The following GDF5 variants were observed in gnomAD, a reference collection of about 807,000 sequenced individuals.
GDF5 encodes the protein growth/differentiation factor 5.
In GDF5, 17 loss-of-function variants were observed where a neutral mutation model predicts 34.6. The ratio of observed to expected loss-of-function variants is 0.49; its 90% CI spans 0.34 to 0.74. GDF5 has a LOEUF of 0.74. Ranked by LOEUF, GDF5 falls within the 30% of genes least tolerant of loss-of-function variation. The probability of loss-of-function intolerance (pLI) is 0.01; values close to 1 mark genes in which losing one functional copy is unlikely to be tolerated. For missense variants in GDF5, 616 were observed against 661.2 expected (o/e 0.93, Z 0.75); for synonymous variants, 332 against 290.7 (o/e 1.14, Z -1.44).
chr20:35,447,224 C>T (rs2146589935), intron 1 of GDF5, among the ~76,000 whole-genome samples: 2 of 152,136 alleles, frequency 1.3e-5, no homozygotes, highest in East Asian at 3.9e-4. Context: ...TCACAACAGG[C>T]CCCGGTGTGT....
intron 1 of GDF5, among the ~76,000 whole-genome samples, chr20:35,444,967 C>T (rs543133898): frequency 6.6e-6 from 1 of 152,134 alleles, no homozygotes; most frequent in East Asian, 1.9e-4. Flanking sequence ...CTCCTGACTT[C>T]AGGTGATCCA....
At chr20:35,453,198 C>T (rs539321146) in intron 1 of GDF5, among the ~76,000 whole-genome samples, 88 of 152,174 alleles carry the variant, frequency 5.8e-4, no homozygotes, top group Non-Finnish European at 1.1e-3. Flanking sequence ...TGCAGTGAGC[C>T]GAGATTGCGC....
At position 35,433,903 on chromosome 20, in the gene GDF5, G is replaced by C. The variant is rs202038821; in HGVS notation, c.*6C>G. The C allele has an allele frequency of 1.9e-6, 3 of 1,611,724 alleles. No individual in the cohort carries two copies. In the East Asian group the frequency reaches 6.7e-5, roughly 36 times the overall value. ...TGCCACCCAGGAAGACAGAGGGCCA[G>C]TGCTGCTACCTGCAGCCACACGACT... On this transcript the variant is annotated 3_prime_UTR_variant, in exon 2 of 2. Transcript: ENST00000374369.
At chr20:35,438,363 C>CACACAG, upstream of GDF5, 1 of 172,820 alleles carries the variant, frequency 5.8e-6, no homozygotes, top group East Asian at 1.5e-4. Context: ...ATACTTCACA[C>CACACAG]ACACACACAC....
intron 1 of GDF5, among the ~76,000 whole-genome samples, chr20:35,451,092 T>TATATATATAC (rs1555824851): frequency 1.9e-4 from 26 of 133,574 alleles, no homozygotes; most frequent in Admixed American, 5.3e-4. Flanking sequence ...TATATATATA[T>TATATATATAC]ACACAAATAT....
Position 35,437,508 on chromosome 20 carries a change from G to C in GDF5, c.421C>G (p.Pro141Ala). 5.0e-6 allele frequency: 8 copies of C among 1,614,090 alleles called. No individual in the cohort carries two copies. Among genetic ancestry groups the C allele is most frequent in the Non-Finnish European group, 6.8e-6 (8 of 1,179,970 alleles). The change falls in exon 1 of 2, where the codon CCC becomes GCC. Residue 141 changes from proline (P) to alanine (A), a missense_variant. Physicochemically the swap from Pro to Ala is conservative, Grantham distance 27. Transcript: ENST00000374369. ...GCCTTCTTCAGCAGGAAGGAGCTGG[G>C]GACAGATCCTGCTTTTGGGGGTGCC... Reference protein sequence around the residue: ...GKAPPKAGSVPSSFLLKKARE... With the variant: ...GKAPPKAGSVASSFLLKKARE...
intron 1 of GDF5, among the ~76,000 whole-genome samples, chr20:35,445,848 T>C (rs1455946933): frequency 6.7e-6 from 1 of 148,244 alleles, no homozygotes. Context: ...TGCATGCCTG[T>C]AATCCCACTA....
intron 1 of GDF5, among the ~76,000 whole-genome samples, chr20:35,451,077 A>ATATATATATATATT (rs2062531436): frequency 2.1e-5 from 1 of 46,736 alleles, no homozygotes; most frequent in Non-Finnish European, 3.5e-5. Flanking sequence ...ATATATATAT[A>ATATATATATATATT]TATATATATA....
intron 1 of GDF5, among the ~76,000 whole-genome samples, chr20:35,452,329 A>G (rs892961993): frequency 2.0e-5 from 3 of 152,264 alleles, no homozygotes; most frequent in Non-Finnish European, 4.4e-5. Flanking sequence ...TCCACTGGGT[A>G]AATGAATAAA....
Position 35,433,749 on chromosome 20 carries a change from G to A in GDF5, c.*160C>T, listed in dbSNP as rs1336407728. 9.4e-6 allele frequency: 7 copies of A among 743,672 alleles called. No individual in the cohort carries two copies. The highest frequency in any genetic ancestry group is 1.7e-5 in the African/African-American group (1 of 58,508). The allele number at this position is 743,672 out of a possible 1,614,324, so 46.1% of individuals were successfully genotyped here. ...ACTTGTGGATAAAAGGGGGCCTTTA[G>A]CCCAAGTCACACTCAGAGAGCGAGC... On this transcript the variant is annotated 3_prime_UTR_variant, in exon 2 of 2. Coordinates refer to ENST00000374369, the MANE Select transcript of GDF5 (RefSeq NM_000557.5).
intron 1 of GDF5, among the ~76,000 whole-genome samples, chr20:35,436,306 C>T (rs957869925): frequency 1.3e-5 from 2 of 151,786 alleles, no homozygotes; most frequent in African/African-American, 2.4e-5. Context: ...CTCAGCCAGA[C>T]CTGCTGCCTC....
upstream of GDF5, among the ~76,000 whole-genome samples, chr20:35,441,810 A>C (rs575576126): frequency 1.9e-4 from 29 of 151,982 alleles, no homozygotes; most frequent in African/African-American, 6.8e-4. Flanking sequence ...TGGGTTTTGT[A>C]CTCCATTGCA....
Position 35,437,730 on chromosome 20 carries a change from C to T in GDF5, c.199G>A (p.Gly67Arg), listed in dbSNP as rs753597147. Residue 67 changes from glycine to arginine, a missense_variant, in exon 1 of 2, where the codon GGG (glycine) becomes AGG (arginine). By Grantham distance (125) the Gly-to-Arg change is moderately radical. Transcript: ENST00000374369. ...VFRPGGHSYG[G>R]GATNANARAK... is the part of the protein sequence containing the mutation. ...CTGGCATTGGCATTGGTGGCCCCCC[C>T]ACCATAGCTGTGACCCCCTGGCCTG... The T allele has an allele frequency of 9.9e-6, 16 of 1,613,508 alleles. No individual in the cohort carries two copies. In the East Asian group the frequency reaches 2.0e-4, roughly 20 times the overall value.
intron 1 of GDF5, among the ~76,000 whole-genome samples, chr20:35,451,053 A>ATATATATATATAT (rs2062530101): frequency 3.3e-3 from 21 of 6,338 alleles, no homozygotes; most frequent in Non-Finnish European, 3.0e-3. Flanking sequence ...AAAAAAAAAA[A>ATATATATATATAT]AAAAAAAAAA....
chr20:35,441,312 G>A (rs1471458126), upstream of GDF5: 1 of 152,146 alleles, frequency 6.6e-6, no homozygotes, highest in African/African-American at 2.4e-5. Flanking sequence ...CCAGCACTTT[G>A]GGAGGCCGAG....
Position 35,437,755 on chromosome 20 carries a change from G to A in GDF5, c.174C>T (p.Phe58=), listed in dbSNP as rs746399130. ...CACCATAGCTGTGACCCCCTGGCCT[G>A]AAGACGTTCCGGGCCAGGGGGGGCC... ...KERPPLARNV[F]RPGGHSYGGG... is the part of the protein sequence containing the mutation. The change falls in exon 1 of 2, where the codon TTC becomes TTT. Residue 58 remains phenylalanine, a synonymous_variant. Transcript: ENST00000374369. 1 of 1,612,842 alleles carries A rather than the reference G, an allele frequency of 6.2e-7. No individual in the cohort carries two copies. Among genetic ancestry groups the A allele is most frequent in the South Asian group, 1.1e-5 (1 of 90,944 alleles).
chr20:35,440,670 G>A (rs2062494856), upstream of GDF5, among the ~76,000 whole-genome samples: 1 of 152,160 alleles, frequency 6.6e-6, no homozygotes, highest in African/African-American at 2.4e-5. Context: ...AGTTTATTCA[G>A]TCTCTGCCTC....
chr20:35,440,054 C>T (rs2062492944), upstream of GDF5, among the ~76,000 whole-genome samples: 2 of 150,516 alleles, frequency 1.3e-5, no homozygotes, highest in Non-Finnish European at 3.0e-5. Context: ...GTAGCTGGGA[C>T]TACAGGTGCA....
intron 1 of GDF5, among the ~76,000 whole-genome samples, chr20:35,447,347 G>A (rs543421467): frequency 7.9e-5 from 12 of 152,282 alleles, no homozygotes; most frequent in Non-Finnish European, 1.5e-5. Context: ...CTCCGCAGCA[G>A]TGGCCACTGC....
Sources: gnomAD v4.1 joint callset for allele counts (sites outside exome capture counted in the v4.1 genomes callset) on GRCh38, gnomAD v4.1.1 for gene constraint, MANE v1.5 for transcripts, NCBI Gene and HGNC (gene_info 2026-07-23, HGNC 2026-07-21) for gene names.